USP9X: variants seen among roughly 807,000 people sequenced by gnomAD.
USP9X encodes the protein ubiquitin specific peptidase 9 X-linked, also known as ubiquitin carboxyl-terminal hydrolase 9X.
In USP9X, 7 loss-of-function variants were observed where a neutral mutation model predicts 190.3. That is an observed-to-expected ratio of 0.04 (90% confidence interval 0.02 to 0.07). The LOEUF (loss-of-function observed/expected upper bound fraction) is 0.07. USP9X is among the 10% of genes least tolerant of loss of function. The probability of loss-of-function intolerance (pLI) is 1.00; values close to 1 mark genes in which losing one functional copy is unlikely to be tolerated. For missense variants in USP9X, 1,010 were observed against 1,916.9 expected, an observed-to-expected ratio of 0.53 and a Z score of 8.83; for synonymous variants, 645 against 659.5, an observed-to-expected ratio of 0.98 and a Z score of 0.34.
In USP9X at chrX:41,143,436, C is replaced by A; in HGVS notation, c.1307C>A (p.Ala436Glu). 8.4e-7 allele frequency: 1 copy of A among 1,186,054 alleles called. No homozygotes were observed. Among genetic ancestry groups the A allele is most frequent in the African/African-American group, 1.8e-5 (1 of 56,690 alleles). The change falls in exon 10 of 45, where the codon GCA becomes GAA. Residue 436 changes from alanine to glutamate, a missense_variant. Ala to Glu is a moderately radical substitution (Grantham distance 107, BLOSUM62 -1). This residue lies in a region of USP9X where 39 missense variants were observed against 132.4 expected (regional missense o/e 0.29). Transcript: ENST00000378308. The part of the protein sequence containing the change: ...LTLQDLDNIW[A>E]AQAGKHEAIV... ...TTACAGGATCTTGATAATATCTGGG[C>A]AGCACAGGTAAGGAATTTAAGATGA...
chrX:41,185,394 A>G (rs2147160893), intron 23 of USP9X, among the ~76,000 whole-genome samples: 1 of 111,733 alleles, frequency 8.9e-6, no homozygotes, highest in East Asian at 2.8e-4. Context: ...AGTGATTGCT[A>G]AGATACTTCC....
chrX:41,229,016 G>A, intron 41 of USP9X: 1 of 239,677 alleles, frequency 4.2e-6, no homozygotes, highest in Non-Finnish European at 7.3e-6. Flanking sequence ...AGGCAGGAGA[G>A]AGGCGTGAAC....
At chrX:41,147,762 G>A (rs758488770) in intron 11 of USP9X, among the ~76,000 whole-genome samples, 6 of 111,996 alleles carry the variant, frequency 5.4e-5, no homozygotes, top group Non-Finnish European at 9.4e-5. Flanking sequence ...CAGCTTAATC[G>A]TTCTTCTGCT....
intron 10 of USP9X, among the ~76,000 whole-genome samples, 166 bp from the exon 11 acceptor site, chrX:41,144,356 A>AT (rs919200428): frequency 9.3e-6 from 1 of 107,786 alleles, no homozygotes; most frequent in African/African-American, 3.4e-5. Flanking sequence ...AGTAGGTGGG[A>AT]TTATAGGCAT....
chrX:41,229,036 A>G (rs1486627401), intron 41 of USP9X: 2 of 265,580 alleles, frequency 7.5e-6, no homozygotes, highest in East Asian at 1.2e-4. Context: ...CCTGGGAGGC[A>G]GGACTTGAAG....
chrX:41,141,795 A>C (rs2109472), intron 9 of USP9X, among the ~76,000 whole-genome samples: 21,220 of 110,399 alleles, frequency 0.19, 1,580 homozygotes, highest in Admixed American at 0.26. Flanking sequence ...TGTTCATTTG[A>C]CCATTTACAG....
chrX:41,195,619 C>T lies in USP9X; in HGVS notation c.3978-632C>T, dbSNP rs901077685. Among the ~76,000 whole-genome samples the T allele has an allele frequency of 5.4e-5, 6 of 111,328 alleles. No individual in the cohort carries two copies. In the East Asian group the frequency reaches 1.7e-3, roughly 32 times the overall value. On this transcript the variant is annotated intron_variant, in intron 26 of 44. Transcript: ENST00000378308. Reference sequence around the variant, plus strand: ...TCAGGGAGGTAGTGGGGGATGGTTTCGGGATGAAAGGATTCCACCTCAGAT... The same window carrying T: ...TCAGGGAGGTAGTGGGGGATGGTTTTGGGATGAAAGGATTCCACCTCAGAT...
At chrX:41,127,749 G>A (rs956898107) in intron 2 of USP9X, among the ~76,000 whole-genome samples, 3 of 112,059 alleles carry the variant, frequency 2.7e-5, no homozygotes, top group Non-Finnish European at 5.6e-5. Flanking sequence ...ATTAATGCTG[G>A]TAAACTCATC....
In USP9X at chrX:41,119,786, C is replaced by T. The variant is rs761564052; in HGVS notation, c.-158-3685C>T. Among the ~76,000 whole-genome samples, 311 of 112,346 alleles carry T rather than the reference C, an allele frequency of 2.8e-3. 2 individuals carry two copies. The highest frequency in any genetic ancestry group is 4.6e-3 in the Non-Finnish European group (243 of 53,170). On this transcript the variant is annotated intron_variant, in intron 1 of 44. Coordinates refer to ENST00000378308, the MANE Select transcript of USP9X (RefSeq NM_001039591.3). The stretch of plus-strand genomic sequence containing the variant: ...CGGAGGTTGCGGTGAGCCAAGATTG[C>T]GCCACTGCACTCCAGCCTGGGTGAC...
chrX:41,093,570 C>T (rs1441926270), intron 1 of USP9X, among the ~76,000 whole-genome samples: 5 of 110,814 alleles, frequency 4.5e-5, no homozygotes, highest in South Asian at 3.8e-4. Flanking sequence ...CTTGAACTCC[C>T]GACCTCAGGT....
chrX:41,193,525 A>G (rs898230526), intron 26 of USP9X, among the ~76,000 whole-genome samples: 8 of 110,617 alleles, frequency 7.2e-5, no homozygotes, highest in African/African-American at 2.0e-4. Context: ...TAAGCCGGGT[A>G]TGGTGAACAT....
At chrX:41,187,845 T>C in intron 24 of USP9X, 147 bp from the exon 25 acceptor site, 1 of 575,241 alleles carries the variant, frequency 1.7e-6, no homozygotes, top group Non-Finnish European at 2.5e-6. Context: ...TTTTTTTTTT[T>C]TTTAAGACAA....
At chrX:41,117,348 A>G (rs2062156092) in intron 1 of USP9X, among the ~76,000 whole-genome samples, 1 of 111,431 alleles carries the variant, frequency 9.0e-6, no homozygotes, top group Admixed American at 9.6e-5. Flanking sequence ...TTATACCATG[A>G]CTTTTGCCAG....
chrX:41,197,788 A>G (rs1172397452), intron 29 of USP9X, among the ~76,000 whole-genome samples: 1 of 110,380 alleles, frequency 9.1e-6, no homozygotes, highest in African/African-American at 3.3e-5. Flanking sequence ...AGTCCAGTGG[A>G]TGGCTTGAGC....
At chrX:41,219,265 A>C (rs772993682) in intron 38 of USP9X, 34 bp downstream of exon 38, 3 of 1,171,709 alleles carry the variant, frequency 2.6e-6, no homozygotes, top group Non-Finnish European at 3.5e-6. Flanking sequence ...TTCTGTTTTG[A>C]TGTATCATAT....
Position 41,229,654 on chromosome X carries a change from C to G in USP9X, c.7306C>G (p.Gln2436Glu). 8.3e-7 allele frequency: 1 copy of G among 1,211,590 alleles called. No homozygotes were observed. The highest frequency in any genetic ancestry group is 1.8e-5 in the South Asian group (1 of 56,995). The change falls in exon 43 of 45, where the codon CAG (glutamine) becomes GAG (glutamate). Residue 2436 changes from glutamine to glutamate, a missense_variant. Gln to Glu is a conservative substitution (Grantham distance 29). Around this residue, in one of 11 missense-constraint regions of USP9X, gnomAD observed 20 missense variants for 59.3 expected, o/e 0.34. Transcript: ENST00000378308. ...LERRPYTGNP[Q>E]YTYNNWSPPV... is the part of the protein sequence containing the mutation. ...AAGAAGACCATATACTGGCAATCCTCAGTACACTTACAACAATTGGTCTCC... is the reference window on the plus strand; with the variant it reads ...AAGAAGACCATATACTGGCAATCCTGAGTACACTTACAACAATTGGTCTCC...
chrX:41,180,308 G>A (rs1307910331), intron 21 of USP9X, among the ~76,000 whole-genome samples: 1 of 112,428 alleles, frequency 8.9e-6, no homozygotes, highest in Admixed American at 9.4e-5. Context: ...GTGCTTTACT[G>A]CAGATTCAAC....
In USP9X at chrX:41,162,809, A is replaced by G. The variant is rs1182631272; in HGVS notation, c.1917A>G (p.Pro639=). Residue 639 remains proline, a synonymous_variant, in exon 15 of 45, where the codon CCA becomes CCG. Coordinates refer to ENST00000378308, the MANE Select transcript of USP9X (RefSeq NM_001039591.3). ...TTGCAGACCATGAAGATTATGACCCACAAACTGTGAGGCTGGGAAGTAGAT... is the reference window on the plus strand; with the variant it reads ...TTGCAGACCATGAAGATTATGACCCGCAAACTGTGAGGCTGGGAAGTAGAT... ...LYARDHEDYD[P]QTVRLGSRYS... The G allele has an allele frequency of 8.3e-7, 1 of 1,207,914 alleles. No individual in the cohort carries two copies. Among genetic ancestry groups the G allele is most frequent in the Non-Finnish European group, 1.1e-6 (1 of 894,116 alleles).
intron 38 of USP9X, among the ~76,000 whole-genome samples, chrX:41,222,684 A>G (rs1290267548): frequency 1.8e-5 from 2 of 110,906 alleles, no homozygotes; most frequent in Non-Finnish European, 3.8e-5. Flanking sequence ...GTGGAAGGCC[A>G]AGGCGGGCAG....
Sources: gnomAD v4.1 joint callset for allele counts (sites outside exome capture counted in the v4.1 genomes callset) on GRCh38, gnomAD v4.1.1 for gene constraint, gnomAD v4.1.1 regional missense constraint, MANE v1.5 for transcripts, NCBI Gene and HGNC (gene_info 2026-07-23, HGNC 2026-07-21) for gene names.